LPP: variants seen among roughly 807,000 people sequenced by gnomAD.
LPP encodes the protein lipoma-preferred partner.
A neutral mutation model predicts 60.4 loss-of-function variants in LPP; 38 were observed. The ratio of observed to expected loss-of-function variants is 0.63; its 90% CI spans 0.49 to 0.83. LPP has a LOEUF of 0.83. Among genes scored for constraint, LPP ranks in the 40% least tolerant of loss-of-function variants. LPP has a pLI of 0.00. For missense variants in LPP, 902 were observed against 783.6 expected (o/e 1.15, Z -1.80); for synonymous variants, 328 against 290.8 (o/e 1.13, Z -1.30).
intron 8 of LPP, among the ~76,000 whole-genome samples, chr3:188,758,309 C>T (rs1731048962): frequency 6.6e-6 from 1 of 152,062 alleles, no homozygotes; most frequent in Non-Finnish European, 1.5e-5. Flanking sequence ...TACAGGCACA[C>T]ACCACCACGC....
intron 8 of LPP, among the ~76,000 whole-genome samples, chr3:188,742,630 A>T (rs140435005): frequency 7.6e-4 from 116 of 152,170 alleles, no homozygotes; most frequent in African/African-American, 2.7e-3. Flanking sequence ...GACACAAAGC[A>T]ATCAGTGGTT....
In LPP at chr3:188,874,424, C is replaced by T. The variant is rs1257823923; in HGVS notation, c.1784C>T (p.Thr595Ile). Residue 595 changes from threonine to isoleucine, a missense_variant, in exon 12 of 12, where the codon ACC becomes ATC. By Grantham distance (89) the Thr-to-Ile change is moderately conservative. Coordinates refer to ENST00000617246, the MANE Select transcript of LPP (RefSeq NM_001375462.1). ...YPLDGHILCK[T>I]CNSARIRVLT... ...TTGGATGGGCACATCCTCTGCAAGA[C>T]CTGCAACTCTGCCCGCATCAGGGTG... 6.2e-7 allele frequency: 1 copy of T among 1,614,206 alleles called. No homozygotes were observed.
At chr3:188,800,127 C>T (rs1401831893) in intron 9 of LPP, among the ~76,000 whole-genome samples, 4 of 148,412 alleles carry the variant, frequency 2.7e-5, no homozygotes, top group Non-Finnish European at 1.5e-5. Flanking sequence ...ATACATGAAC[C>T]GTAACTCCCT....
chr3:188,594,773 G>A (rs5026345), intron 6 of LPP, among the ~76,000 whole-genome samples: 59,709 of 151,866 alleles, frequency 0.39, 12,137 homozygotes, highest in South Asian at 0.43. Context: ...TTACTTTGTT[G>A]TAAATATAAA....
At chr3:188,494,264 T>TA (rs1809285738) in intron 5 of LPP, among the ~76,000 whole-genome samples, 1 of 152,110 alleles carries the variant, frequency 6.6e-6, no homozygotes. Flanking sequence ...GCCCCTCCCT[T>TA]ACATGCCATA....
At chr3:188,599,788 GT>G (rs1840744149) in intron 6 of LPP, among the ~76,000 whole-genome samples, 1 of 151,042 alleles carries the variant, frequency 6.6e-6, no homozygotes, top group African/African-American at 2.4e-5. Context: ...GTGTGTGTGT[GT>G]GGTGTGTGCT....
In LPP at chr3:188,572,190, T is replaced by A. The variant is rs940410409; in HGVS notation, c.430-36971T>A. Among the ~76,000 whole-genome samples, 10 of 152,092 alleles carry A rather than the reference T, an allele frequency of 6.6e-5. No individual in the cohort carries two copies. The highest frequency in any genetic ancestry group is 2.4e-4 in the African/African-American group (10 of 41,434). ...TTCATTTGTTGCACTTATATTTTGC[T>A]TTTTATGTATGTAGAGGGGTGACAT... On this transcript the variant is annotated intron_variant, in intron 6 of 11. Coordinates refer to ENST00000617246, the MANE Select transcript of LPP (RefSeq NM_001375462.1). This position sits in a 1 kb window ranked among gnomAD's most constrained non-coding sequence, Gnocchi z 4.1.
At chr3:188,536,329 T>C (rs996083308) in intron 6 of LPP, among the ~76,000 whole-genome samples, 1 of 143,644 alleles carries the variant, frequency 7.0e-6, no homozygotes, top group Non-Finnish European at 1.6e-5. Context: ...ATTTTTTTTT[T>C]TGCGTTTACT....
rs1007539708 is a variant in LPP at position 188,631,316 on chromosome 3, ATTG to A, written c.1113+21478_1113+21480del. Among the ~76,000 whole-genome samples the A allele has an allele frequency of 1.6e-4, 24 of 152,304 alleles. No individual in the cohort carries two copies. In the South Asian group the frequency reaches 2.1e-3, roughly 13 times the overall value. On this transcript the variant is annotated intron_variant, in intron 7 of 11. Coordinates refer to ENST00000617246, the MANE Select transcript of LPP (RefSeq NM_001375462.1). ...TTTAATCTGCACAACTTTTATTAGT[ATTG>A]TTGTTTGAAATTTAAGATAATCAAA...
At chr3:188,487,897 C>T (rs1807063715) in intron 5 of LPP, among the ~76,000 whole-genome samples, 1 of 152,086 alleles carries the variant, frequency 6.6e-6, no homozygotes, top group African/African-American at 2.4e-5. Context: ...AGAACGTCTA[C>T]TAAGAGTGAT....
intron 6 of LPP, among the ~76,000 whole-genome samples, chr3:188,555,494 G>A (rs1829256305): frequency 6.6e-6 from 1 of 152,024 alleles, no homozygotes; most frequent in Non-Finnish European, 1.5e-5. Flanking sequence ...GTTGGGGAGG[G>A]GATAAGAAGT....
intron 7 of LPP, among the ~76,000 whole-genome samples, chr3:188,694,970 G>T (rs1473255456): frequency 6.6e-6 from 1 of 152,148 alleles, no homozygotes; most frequent in Non-Finnish European, 1.5e-5. Context: ...AGAGACTGAG[G>T]CACTTTTGTT....
chr3:188,759,946 G>C (rs542680118), intron 8 of LPP, among the ~76,000 whole-genome samples, 167 bp from the exon 9 acceptor site: 58 of 152,274 alleles, frequency 3.8e-4, no homozygotes, highest in African/African-American at 1.4e-3. Flanking sequence ...AGGGGTGGCT[G>C]TACTGGTGAT....
chr3:188,834,334 T>TTTTTTTTC (rs1757862424), intron 9 of LPP, among the ~76,000 whole-genome samples: 1 of 145,906 alleles, frequency 6.9e-6, no homozygotes, highest in African/African-American at 2.5e-5. Context: ...GTTTTTTTTT[T>TTTTTTTTC]TTTTTTTTTT....
At chr3:188,361,541 CCTCCCCTCTCCTCTCCTCT>C (rs1560296393) in intron 3 of LPP, among the ~76,000 whole-genome samples, 2 of 133,358 alleles carry the variant, frequency 1.5e-5, no homozygotes, top group African/African-American at 5.6e-5. Context: ...CCTCTCCTCT[CCTCCCCTCTCCTCTCCTCT>C]CCTCTCCTCT....
chr3:188,156,706 T>A (rs1264515502), intron 1 of LPP, among the ~76,000 whole-genome samples: 1 of 152,046 alleles, frequency 6.6e-6, no homozygotes, highest in East Asian at 1.9e-4. Flanking sequence ...TGGTGGCATG[T>A]GCCTGTAGTA....
At chr3:188,261,535 G>A (rs9838939) in intron 2 of LPP, among the ~76,000 whole-genome samples, 9 of 151,602 alleles carry the variant, frequency 5.9e-5, no homozygotes, top group African/African-American at 1.5e-4. Context: ...ATAGATTTTC[G>A]CTCAGACTCA....
In LPP at chr3:188,880,288, C is replaced by T. The variant is rs1769802670; in HGVS notation, c.*5809C>T. 1 of 170,420 alleles carries T rather than the reference C, an allele frequency of 5.9e-6. No homozygotes were observed. The highest frequency in any genetic ancestry group is 2.4e-5 in the African/African-American group (1 of 41,976). The allele number at this position is 170,420 out of a possible 1,614,324, so 10.6% of individuals were successfully genotyped here. A position where few individuals can be genotyped will look rare whatever the true frequency, so the allele number is the denominator to read the frequency against. ...CCTCGTGATCCACCCGCCTCGGCCT[C>T]CCAAAGTGCTGGGATTACAGGCGTG... On this transcript the variant is annotated 3_prime_UTR_variant, in exon 12 of 12. Coordinates refer to ENST00000617246, the MANE Select transcript of LPP (RefSeq NM_001375462.1).
chr3:188,155,484 A>C (rs752287205), intron 1 of LPP, among the ~76,000 whole-genome samples: 1 of 152,198 alleles, frequency 6.6e-6, no homozygotes. Flanking sequence ...GAAGAAGGGG[A>C]AAGTGTGGCT....
Sources: allele counts gnomAD v4.1 joint callset (sites outside exome capture counted in the v4.1 genomes callset), GRCh38; gene constraint gnomAD v4.1.1; non-coding constraint Gnocchi (gnomAD v3.1); transcripts MANE v1.5; gene names NCBI Gene and HGNC (gene_info 2026-07-23, HGNC 2026-07-21).